Variants in NRG1 observed in about 807,000 individuals in gnomAD.
NRG1 encodes the protein neuregulin 1.
In NRG1, 18 loss-of-function variants were observed where a neutral mutation model predicts 63.8. The observed-to-expected ratio is 0.28, with a 90% CI of 0.19 to 0.42. NRG1 has a LOEUF of 0.42. Ranked by LOEUF, NRG1 falls within the 10% of genes least tolerant of loss-of-function variation. The pLI is 1.00. For synonymous variants in NRG1, 302 were observed against 301.3 expected, an observed-to-expected ratio of 1.00 and a Z score of -0.02; for missense variants, 762 against 814.7, an observed-to-expected ratio of 0.94 and a Z score of 0.79.
At chr8:32,092,985 C>T (rs1829400502) in intron 1 of NRG1, among the ~76,000 whole-genome samples, 1 of 152,136 alleles carries the variant, frequency 6.6e-6, no homozygotes, top group Admixed American at 6.5e-5. Context: ...TGGCCAGTAA[C>T]CATCAGGGCT....
At chr8:32,270,085 A>C (rs1851388047) in intron 1 of NRG1, among the ~76,000 whole-genome samples, 1 of 152,224 alleles carries the variant, frequency 6.6e-6, no homozygotes, top group Admixed American at 6.5e-5. Flanking sequence ...ATCCATCATT[A>C]TGTTAAATGC....
At chr8:31,894,594 A>C (rs537377067) in intron 1 of NRG1, among the ~76,000 whole-genome samples, 1 of 133,138 alleles carries the variant, frequency 7.5e-6, no homozygotes, top group African/African-American at 3.0e-5. Context: ...TCTGTCGCCC[A>C]GGCTGGAGTG....
chr8:32,228,433 A>T (rs1157794695), intron 1 of NRG1, among the ~76,000 whole-genome samples: 1 of 152,148 alleles, frequency 6.6e-6, no homozygotes, highest in Non-Finnish European at 1.5e-5. Context: ...ACTACTTTTC[A>T]GTTCTAATGT....
At chr8:32,596,126 T>A (rs763593393) in intron 2 of NRG1, 121 bp downstream of exon 2, 5 of 763,226 alleles carry the variant, frequency 6.6e-6, no homozygotes, top group Non-Finnish European at 9.6e-6. Flanking sequence ...AGTGAAAAGC[T>A]GTTTCATTAT....
At chr8:32,656,258 A>G (rs2128863716) in intron 5 of NRG1, among the ~76,000 whole-genome samples, 1 of 152,288 alleles carries the variant, frequency 6.6e-6, no homozygotes, top group Middle Eastern at 3.4e-3. Context: ...TTGTTTATTA[A>G]TAGGTTTGGG....
At chr8:32,055,335 G>A (rs1822740087) in intron 1 of NRG1, among the ~76,000 whole-genome samples, 1 of 152,124 alleles carries the variant, frequency 6.6e-6, no homozygotes, top group Non-Finnish European at 1.5e-5. Flanking sequence ...TCTATTTAAT[G>A]TGCCAGTTGC....
intron 1 of NRG1, among the ~76,000 whole-genome samples, chr8:32,313,406 A>G (rs1203524862): frequency 6.6e-6 from 1 of 152,146 alleles, no homozygotes; most frequent in African/African-American, 2.4e-5. Context: ...ATGCATTTCT[A>G]GGAAGAAATT....
chr8:32,353,718 A>G (rs1201765379), intron 1 of NRG1, among the ~76,000 whole-genome samples: 1 of 152,246 alleles, frequency 6.6e-6, no homozygotes, highest in Non-Finnish European at 1.5e-5. Flanking sequence ...CACTGCTGGC[A>G]GAAATGTACG....
rs533990661 is a variant in NRG1, at chr8:32,143,905, G to A, written c.38-451923G>A. Reference sequence around the variant, plus strand: ...TTGGCTCATCAACACAGACCTGATCGCACTTTGATTTCATATCTTGCTATG... The same window carrying A: ...TTGGCTCATCAACACAGACCTGATCACACTTTGATTTCATATCTTGCTATG... On this transcript the variant is annotated intron_variant, in intron 1 of 10. Transcript: ENST00000519301. Among the ~76,000 whole-genome samples the A allele has an allele frequency of 1.4e-4, 21 of 152,286 alleles. No individual in the cohort carries two copies. In the East Asian group the frequency reaches 3.9e-3, roughly 28 times the overall value.
At chr8:32,268,172 C>A (rs935929803) in intron 1 of NRG1, among the ~76,000 whole-genome samples, 3 of 152,174 alleles carry the variant, frequency 2.0e-5, no homozygotes, top group Admixed American at 2.0e-4. Context: ...TCTGAAGGAG[C>A]CTGAAAGCAC....
intron 1 of NRG1, among the ~76,000 whole-genome samples, chr8:31,853,195 C>G (rs1202089049): frequency 2.0e-5 from 3 of 152,140 alleles, no homozygotes; most frequent in Non-Finnish European, 4.4e-5. Context: ...TGTACATTAC[C>G]TTAGGCAGTA....
At chr8:31,794,966 C>A (rs1586465353) in intron 1 of NRG1, among the ~76,000 whole-genome samples, 1 of 152,210 alleles carries the variant, frequency 6.6e-6, no homozygotes, top group East Asian at 1.9e-4. Flanking sequence ...CCACAGGCAG[C>A]TAATTTTTGT....
intron 1 of NRG1, among the ~76,000 whole-genome samples, chr8:32,552,689 A>G (rs1398702234): frequency 6.6e-6 from 1 of 152,226 alleles, no homozygotes; most frequent in African/African-American, 2.4e-5. Flanking sequence ...TAAAAACATT[A>G]AAGATTATTC....
intron 1 of NRG1, among the ~76,000 whole-genome samples, chr8:31,925,776 C>G (rs776391): frequency 0.82 from 124,346 of 152,092 alleles, 51,823 homozygotes; most frequent in Non-Finnish European, 0.9. Flanking sequence ...AATTATAGAA[C>G]TTTCTGTTCA....
At chr8:32,508,345 T>A (rs182747652) in intron 1 of NRG1, among the ~76,000 whole-genome samples, 1 of 151,438 alleles carries the variant, frequency 6.6e-6, no homozygotes, top group African/African-American at 2.4e-5. Context: ...GGCTGGAGTG[T>A]AGTGGTGCGA....
rs1259519103 is a variant in NRG1, at chr8:32,605,699, G to A, written c.400+16G>A. 10 of 1,610,908 alleles carry A rather than the reference G, an allele frequency of 6.2e-6. No homozygotes were observed. The highest frequency in any genetic ancestry group is 4.5e-5 in the East Asian group (2 of 44,720). ...GAATCAAACGGTAAGAGATACCTAC[G>A]GTATTCTGTTCCTCAATCTGTAACA... On this transcript the variant is annotated intron_variant, in intron 3 of 11. Transcript: ENST00000356819.
downstream of NRG1, among the ~76,000 whole-genome samples, chr8:32,771,880 G>A (rs1030382321): frequency 9.5e-5 from 14 of 147,000 alleles, no homozygotes; most frequent in African/African-American, 3.5e-4. Flanking sequence ...AAAATTAGCC[G>A]GGCGTGGTGG....
At chr8:32,684,013 G>A (rs1322492192) in intron 5 of NRG1, among the ~76,000 whole-genome samples, 4 of 151,964 alleles carry the variant, frequency 2.6e-5, no homozygotes, top group African/African-American at 9.7e-5. Flanking sequence ...TGGCCAACAT[G>A]GTGAAACCCC....
At chr8:32,727,910 A>G (rs1467057801) in intron 5 of NRG1, 39 bp from the exon 6 acceptor site, 1 of 1,606,994 alleles carries the variant, frequency 6.2e-7, no homozygotes, top group South Asian at 1.1e-5. Context: ...AGGGGGAAAA[A>G]AAGTCCATGT....
Sources: allele counts gnomAD v4.1 joint callset (sites outside exome capture counted in the v4.1 genomes callset), GRCh38; gene constraint gnomAD v4.1.1; transcripts MANE v1.5; gene names NCBI Gene and HGNC (gene_info 2026-07-23, HGNC 2026-07-21).